SYNE1: variants seen among roughly 807,000 people sequenced by gnomAD.
The protein encoded by SYNE1 is nesprin-1.
A neutral mutation model predicts 1,111.0 loss-of-function variants in SYNE1; 616 were observed. The observed-to-expected ratio is 0.55, with a 90% CI of 0.52 to 0.59. The LOEUF (loss-of-function observed/expected upper bound fraction) is 0.59, where lower values mean the gene tolerates loss of function less well. Among genes scored for constraint, SYNE1 ranks in the 20% least tolerant of loss-of-function variants. The probability of loss-of-function intolerance (pLI) is 0.00; values close to 1 mark genes in which losing one functional copy is unlikely to be tolerated. For missense variants in SYNE1, 10,006 were observed against 10,417.0 expected (o/e 0.96, Z 1.72); for synonymous variants, 3,855 against 3,825.8 (o/e 1.01, Z -0.28).
chr6:152,478,319 G>A (rs893223322), intron 14 of SYNE1, among the ~76,000 whole-genome samples: 2 of 152,222 alleles, frequency 1.3e-5, no homozygotes, highest in Admixed American at 1.3e-4. Context: ...CAGTAGCTGG[G>A]AGGGGAAGTG....
Position 152,242,277 on chromosome 6 carries a change from G to A in SYNE1, c.19856C>T (p.Ser6619Phe). Residue 6619 changes from serine to phenylalanine, a missense_variant, in exon 107 of 146, where the codon TCC becomes TTC. This residue lies in a region of SYNE1 where 2,182 missense variants were observed against 2,287.8 expected (regional missense o/e 0.95). Coordinates refer to ENST00000367255, the MANE Select transcript of SYNE1 (RefSeq NM_182961.4). ...MAGDQKIIVS[S>F]KEEIQQLLDK... ...AAGTAGTTGCTGGATTTCCTCTTTG[G>A]AAGACACGATGATTTTCTGGTCTCC... is the stretch of plus-strand genomic sequence containing the variant. 1 of 1,613,930 alleles carries A rather than the reference G, an allele frequency of 6.2e-7. No homozygotes were observed. The highest frequency in any genetic ancestry group is 8.5e-7 in the Non-Finnish European group (1 of 1,180,004).
chr6:152,608,094 T>C (rs936747555), intron 3 of SYNE1, among the ~76,000 whole-genome samples: 4 of 152,166 alleles, frequency 2.6e-5, no homozygotes, highest in African/African-American at 9.7e-5. Context: ...AAGACCACCA[T>C]GGCACATGTA....
intron 45 of SYNE1, among the ~76,000 whole-genome samples, chr6:152,406,030 G>C (rs2097894344): frequency 6.6e-6 from 1 of 151,868 alleles, no homozygotes; most frequent in South Asian, 2.1e-4. Flanking sequence ...TCCCACGAGG[G>C]TAGGACTTTC....
At chr6:152,339,016 T>C (rs1451802494) in intron 75 of SYNE1, among the ~76,000 whole-genome samples, 4 of 152,216 alleles carry the variant, frequency 2.6e-5, no homozygotes, top group Admixed American at 1.3e-4. Context: ...AGCGAATGAA[T>C]GGGACTAAGT....
At chr6:152,279,100 G>C (rs2093838291) in intron 97 of SYNE1, among the ~76,000 whole-genome samples, 1 of 150,066 alleles carries the variant, frequency 6.7e-6, no homozygotes. Context: ...GGTATTAGAG[G>C]GGTCCATAAA....
chr6:152,556,039 G>T (rs1158005403), intron 3 of SYNE1, among the ~76,000 whole-genome samples: 1 of 152,168 alleles, frequency 6.6e-6, no homozygotes, highest in Non-Finnish European at 1.5e-5. Flanking sequence ...TAGTGAAAAA[G>T]AGGTAAAATT....
In SYNE1 at chr6:152,395,537, A is replaced by C. The variant is rs778686915; in HGVS notation, c.7691T>G (p.Leu2564Trp). The C allele has an allele frequency of 1.2e-6, 2 of 1,613,838 alleles. No homozygotes were observed. Among genetic ancestry groups the C allele is most frequent in the East Asian group, 2.2e-5 (1 of 44,866 alleles). The change falls in exon 51 of 146, where the codon TTG (leucine) becomes TGG (tryptophan). Residue 2564 changes from leucine (L) to tryptophan (W), a missense_variant. Leu to Trp is a moderately conservative substitution (Grantham distance 61). This residue lies in a region of SYNE1 where 4,955 missense variants were observed against 5,017.2 expected (regional missense o/e 0.99). Coordinates refer to ENST00000367255, the MANE Select transcript of SYNE1 (RefSeq NM_182961.4). The part of the protein sequence containing the change: ...KNEVHKVEMF[L>W]GELLAARESL... ...ATACCTTGCAGCCAGCAGTTCTCCC[A>C]AAAACATTTCAACTTTATGAACTTC... is the stretch of plus-strand genomic sequence containing the variant.
rs770872209 is a variant in SYNE1 at position 152,373,213 on chromosome 6, A to G, written c.9331T>C (p.Leu3111=). 5.0e-6 allele frequency: 8 copies of G among 1,611,126 alleles called. No homozygotes were observed. The South Asian group carries it at 8.8e-5, about 18-fold the overall frequency. ...STSLQKIQEF[L]SESENGQHKL... is the part of the protein sequence containing the mutation. The stretch of plus-strand genomic sequence containing the variant: ...TGCTGTCCATTTTCACTTTCTGACA[A>G]AAACTCCTATAAAAGAAAATATAGA... Residue 3111 remains leucine (L), a synonymous_variant, in exon 59 of 146, where the codon TTG becomes CTG. Coordinates refer to ENST00000367255, the MANE Select transcript of SYNE1 (RefSeq NM_182961.4).
At chr6:152,603,628 T>C (rs1033934249) in intron 3 of SYNE1, among the ~76,000 whole-genome samples, 2 of 151,818 alleles carry the variant, frequency 1.3e-5, no homozygotes, top group African/African-American at 2.4e-5. Flanking sequence ...AAATATTCCA[T>C]AGTAATGGAA....
intron 75 of SYNE1, 86 bp from the exon 76 acceptor site, chr6:152,337,103 C>T (rs2096408711): frequency 7.2e-7 from 1 of 1,381,438 alleles, no homozygotes; most frequent in Non-Finnish European, 1.0e-6. Context: ...TTCCAGCTGG[C>T]CTGTGCACTC....
intron 56 of SYNE1, 40 bp from the exon 57 acceptor site, chr6:152,376,952 T>G: frequency 1.9e-6 from 3 of 1,610,344 alleles, no homozygotes; most frequent in Non-Finnish European, 2.5e-6. Context: ...AGCACTTACA[T>G]TGGGTGATCT....
At chr6:152,610,986 A>C (rs535340393) in intron 3 of SYNE1, among the ~76,000 whole-genome samples, 4 of 152,326 alleles carry the variant, frequency 2.6e-5, no homozygotes, top group African/African-American at 9.6e-5. Context: ...ACAAGAGCTC[A>C]TGAAGGAAGC....
chr6:152,181,549 C>G (rs2068090170), intron 128 of SYNE1, among the ~76,000 whole-genome samples: 1 of 152,174 alleles, frequency 6.6e-6, no homozygotes, highest in African/African-American at 2.4e-5. Flanking sequence ...ATTTCATATA[C>G]ATGGAATCAT....
rs2098692240 is a variant in SYNE1 at position 152,455,837 on chromosome 6, C to T, written c.2727+49G>A. 2.5e-6 allele frequency: 4 copies of T among 1,613,044 alleles called. No individual in the cohort carries two copies. In the South Asian group the frequency reaches 3.3e-5, roughly 13 times the overall value. On this transcript the variant is annotated intron_variant, in intron 23 of 145. Transcript: ENST00000367255. ...CACGAGTGATGGTTTCTTGTCCTCA[C>T]TCTGCATTTTCCCTGGCTCACAGCT... is the stretch of plus-strand genomic sequence containing the variant.
chr6:152,184,102 A>G (rs1385026006), intron 128 of SYNE1, among the ~76,000 whole-genome samples: 2 of 152,230 alleles, frequency 1.3e-5, no homozygotes, highest in African/African-American at 4.8e-5. Flanking sequence ...CTGTCCTATC[A>G]ATATGGTAAT....
chr6:152,533,286 C>G lies in SYNE1; in HGVS notation c.129+6674G>C, dbSNP rs538792065. Among the ~76,000 whole-genome samples the G allele has an allele frequency of 2.6e-5, 4 of 151,064 alleles. No individual in the cohort carries two copies. The East Asian group carries it at 7.8e-4, about 29-fold the overall frequency. On this transcript the variant is annotated intron_variant, in intron 4 of 145. Transcript: ENST00000367255. ...CTGTGACAGATAGCATAATCCTTTCCACTTCCTCGATTATTTAATTCAATT... is the reference window on the plus strand; with the variant it reads ...CTGTGACAGATAGCATAATCCTTTCGACTTCCTCGATTATTTAATTCAATT...
chr6:152,202,078 G>A, intron 126 of SYNE1, 129 bp from the exon 127 acceptor site: 1 of 1,228,662 alleles, frequency 8.1e-7, no homozygotes, highest in East Asian at 2.5e-5. Context: ...TGAGTGTGGT[G>A]GCTCACGCGT....
chr6:152,548,056 G>T (rs2099322985), intron 3 of SYNE1, among the ~76,000 whole-genome samples: 1 of 152,172 alleles, frequency 6.6e-6, no homozygotes, highest in Non-Finnish European at 1.5e-5. Flanking sequence ...CATTTGGAAA[G>T]ATTTAAGGTA....
intron 3 of SYNE1, among the ~76,000 whole-genome samples, chr6:152,598,218 G>A (rs555706340): frequency 6.6e-5 from 10 of 152,116 alleles, no homozygotes; most frequent in South Asian, 4.2e-4. Context: ...CCTTTCCTGC[G>A]CTATTCTCAT....
Sources: gnomAD v4.1 joint callset for allele counts (sites outside exome capture counted in the v4.1 genomes callset) on GRCh38, gnomAD v4.1.1 for gene constraint, gnomAD v4.1.1 regional missense constraint, MANE v1.5 for transcripts, NCBI Gene and HGNC (gene_info 2026-07-23, HGNC 2026-07-21) for gene names.